Variants in ETS1 observed in about 807,000 individuals in gnomAD.
The protein encoded by ETS1 is ETS proto-oncogene 1, transcription factor.
A neutral mutation model predicts 58.6 loss-of-function variants in ETS1; 15 were observed. The ratio of observed to expected loss-of-function variants is 0.26; its 90% CI spans 0.17 to 0.39. The LOEUF is 0.39. ETS1 is among the 10% of genes least tolerant of loss of function. ETS1 has a pLI of 1.00. For missense variants in ETS1, 417 were observed against 610.5 expected (o/e 0.68, Z 3.34); for synonymous variants, 214 against 218.2 (o/e 0.98, Z 0.17).
At chr11:128,561,156 C>G (rs896804682) in intron 2 of ETS1, among the ~76,000 whole-genome samples, 1 of 152,142 alleles carries the variant, frequency 6.6e-6, no homozygotes, top group Non-Finnish European at 1.5e-5. Context: ...AGTAAAACTT[C>G]AAGCCGGAGG....
At chr11:128,521,784 G>A in intron 3 of ETS1, 4 of 664,740 alleles carry the variant, frequency 6.0e-6, no homozygotes, top group Admixed American at 3.0e-5. Context: ...AGATCCAGCT[G>A]CCAACAGCAT....
chr11:128,521,193 G>T (rs1454349012), intron 3 of ETS1, among the ~76,000 whole-genome samples: 1 of 152,064 alleles, frequency 6.6e-6, no homozygotes, highest in Non-Finnish European at 1.5e-5. Context: ...AAATGAAAGA[G>T]TTGGACAACA....
intron 2 of ETS1, among the ~76,000 whole-genome samples, chr11:128,566,418 T>C (rs1159961344): frequency 6.6e-6 from 1 of 152,192 alleles, no homozygotes; most frequent in Non-Finnish European, 1.5e-5. Flanking sequence ...CCTTATACCA[T>C]GCCTATTTTA....
chr11:128,579,124 A>G (rs970089125), intron 1 of ETS1, among the ~76,000 whole-genome samples: 1 of 152,248 alleles, frequency 6.6e-6, no homozygotes, highest in African/African-American at 2.4e-5. Context: ...TAGGCAATGA[A>G]TTATGGTTAA....
intron 2 of ETS1, among the ~76,000 whole-genome samples, chr11:128,566,831 G>A (rs1864513405): frequency 6.6e-6 from 1 of 151,700 alleles, no homozygotes; most frequent in African/African-American, 2.4e-5. Context: ...ATTTACTCCA[G>A]GTCTTTCTGA....
chr11:128,553,232 G>C (rs984078021), intron 3 of ETS1, among the ~76,000 whole-genome samples: 2 of 152,150 alleles, frequency 1.3e-5, no homozygotes, highest in African/African-American at 4.8e-5. Context: ...GGGAAGAGGC[G>C]GACGGTAGGA....
At position 128,460,461 on chromosome 11, in the gene ETS1, C is replaced by G. The variant is rs544818439; in HGVS notation, c.*1900G>C. The G allele has an allele frequency of 6.6e-6, 1 of 152,646 alleles. No individual in the cohort carries two copies. Among genetic ancestry groups the G allele is most frequent in the South Asian group, 2.1e-4 (1 of 4,830 alleles). The allele number at this position is 152,646 out of a possible 1,614,324, so 9.5% of individuals were successfully genotyped here. A position where few individuals can be genotyped will look rare whatever the true frequency, so the allele number is the denominator to read the frequency against. On this transcript the variant is annotated 3_prime_UTR_variant, in exon 10 of 10. Coordinates refer to ENST00000392668, the MANE Select transcript of ETS1 (RefSeq NM_001143820.2). ...AAGATATGCTAGAAAGTAGTTAGTA[C>G]TTCCAATTTCTCATCCAAATCCCAA...
At chr11:128,557,260 C>T (rs777006082) in intron 2 of ETS1, among the ~76,000 whole-genome samples, 4 of 152,110 alleles carry the variant, frequency 2.6e-5, no homozygotes, top group South Asian at 2.1e-4. Context: ...TCTAGCTACT[C>T]GGGAGGCTAA....
intron 2 of ETS1, among the ~76,000 whole-genome samples, chr11:128,559,239 A>G (rs1864365608): frequency 6.6e-6 from 1 of 152,246 alleles, no homozygotes; most frequent in African/African-American, 2.4e-5. Flanking sequence ...GCAAGGTGAC[A>G]TTGGCAAAGA....
At chr11:128,572,964 C>T in intron 2 of ETS1, 98 bp downstream of exon 2, 1 of 904,902 alleles carries the variant, frequency 1.1e-6, no homozygotes, top group Non-Finnish European at 1.8e-6. Context: ...GTTCAGGTTC[C>T]TGGCTTCTCT....
At chr11:128,489,093 G>A (rs1394760282) in intron 5 of ETS1, among the ~76,000 whole-genome samples, 197 bp downstream of exon 5, 7 of 152,132 alleles carry the variant, frequency 4.6e-5, no homozygotes, top group Admixed American at 4.6e-4. Flanking sequence ...CCCCCAATAT[G>A]TAGAAGAAAA....
In ETS1 at chr11:128,569,318, CTTTTTTTTT is replaced by C. The variant is rs398018017; in HGVS notation, c.69+3735_69+3743del. On this transcript the variant is annotated intron_variant, in intron 2 of 9. Transcript: ENST00000392668. ...TACCATACATGGGACAGAGTTTCTT[CTTTTTTTTT>C]TTTTTTTTTTTTTTTGGTGTGTCAG... Among the ~76,000 whole-genome samples the C allele has an allele frequency of 1.8e-4, 7 of 39,462 alleles. 1 individual carries two copies. The highest frequency in any genetic ancestry group is 3.3e-4 in the African/African-American group (3 of 9,128). The allele number at this position is 39,462 out of a possible 152,430, so 25.9% of individuals were successfully genotyped here.
chr11:128,490,351 T>C, intron 4 of ETS1, 106 bp downstream of exon 4: 1 of 1,188,648 alleles, frequency 8.4e-7, no homozygotes, highest in Non-Finnish European at 1.2e-6. Context: ...AGCTGCTGAC[T>C]CCAATGTGGT....
chr11:128,541,031 G>C (rs1864050186), intron 3 of ETS1, among the ~76,000 whole-genome samples: 1 of 152,194 alleles, frequency 6.6e-6, no homozygotes, highest in Non-Finnish European at 1.5e-5. Flanking sequence ...GGATGAATGA[G>C]TGCTCCTCAA....
chr11:128,499,587 A>T (rs1336213053), intron 3 of ETS1, among the ~76,000 whole-genome samples: 1 of 152,206 alleles, frequency 6.6e-6, no homozygotes, highest in Non-Finnish European at 1.5e-5. Context: ...TATTCACAGA[A>T]TTAAAAGCAA....
At chr11:128,554,889 A>G (rs1045639539) in intron 3 of ETS1, among the ~76,000 whole-genome samples, 8 of 152,212 alleles carry the variant, frequency 5.3e-5, no homozygotes, top group Non-Finnish European at 1.2e-4. Context: ...TTAAAGGATC[A>G]CTTTTCTCAT....
At chr11:128,546,410 T>C (rs1864133199) in intron 3 of ETS1, among the ~76,000 whole-genome samples, 6 of 152,206 alleles carry the variant, frequency 3.9e-5, no homozygotes, top group Admixed American at 3.9e-4. Context: ...GAGGGATTGG[T>C]TCCAGGAAAA....
intron 8 of ETS1, among the ~76,000 whole-genome samples, chr11:128,466,393 G>A (rs1862036312): frequency 6.6e-6 from 1 of 152,208 alleles, no homozygotes. Flanking sequence ...TGCTGGTGCT[G>A]GAGAACAGGG....
intron 2 of ETS1, among the ~76,000 whole-genome samples, chr11:128,557,863 T>TA (rs1455546687): frequency 2.6e-5 from 4 of 152,216 alleles, no homozygotes; most frequent in African/African-American, 7.2e-5. Flanking sequence ...CTGGAGAACT[T>TA]ACGTCTTCTC....
Sources: allele counts gnomAD v4.1 joint callset (sites outside exome capture counted in the v4.1 genomes callset), GRCh38; gene constraint gnomAD v4.1.1; transcripts MANE v1.5; gene names NCBI Gene and HGNC (gene_info 2026-07-23, HGNC 2026-07-21).